PCDHGB1: variants seen among roughly 807,000 people sequenced by gnomAD.
PCDHGB1 encodes protocadherin gamma-B1.
PCDHGB1 carries 34 observed loss-of-function variants against 56.6 expected under a neutral mutation model. The observed-to-expected ratio is 0.60, with a 90% CI of 0.46 to 0.80. The LOEUF (loss-of-function observed/expected upper bound fraction) is 0.80, where lower values mean the gene tolerates loss of function less well. Ranked by LOEUF, PCDHGB1 falls within the 30% of genes least tolerant of loss-of-function variation. The pLI, the probability that PCDHGB1 is intolerant of heterozygous loss-of-function variation, is 0.00. For missense variants in PCDHGB1, 1,278 were observed against 1,204.6 expected (o/e 1.06, Z -0.90); for synonymous variants, 561 against 505.9 (o/e 1.11, Z -1.46).
At chr5:141,392,691 AC>A in intron 1 of PCDHGB1, 1 of 1,132,688 alleles carries the variant, frequency 8.8e-7, no homozygotes, top group Non-Finnish European at 1.2e-6. Context: ...GCGAAACCCG[AC>A]CCCTGTTTGG....
At chr5:141,462,833 A>G (rs1488609568) in intron 1 of PCDHGB1, among the ~76,000 whole-genome samples, 1 of 152,082 alleles carries the variant, frequency 6.6e-6, no homozygotes, top group Non-Finnish European at 1.5e-5. Flanking sequence ...GACATTGTAA[A>G]TGTTATATTT....
chr5:141,478,097 A>G lies in PCDHGB1; in HGVS notation c.2410-16710A>G, dbSNP rs757796085. Reference sequence around the variant, plus strand: ...GGAGCCTTCGCTCTCCACCACTGCTACCCTCACTGTGTCAGTAACCGAGGA... The same window carrying G: ...GGAGCCTTCGCTCTCCACCACTGCTGCCCTCACTGTGTCAGTAACCGAGGA... On this transcript the variant is annotated intron_variant, in intron 1 of 3. Transcript: ENST00000523390. 9.9e-6 allele frequency: 16 copies of G among 1,613,666 alleles called. No homozygotes were observed. Among genetic ancestry groups the G allele is most frequent in the Admixed American group, 1.7e-5 (1 of 59,970 alleles).
chr5:141,422,447 C>G, intron 1 of PCDHGB1: 2 of 1,610,922 alleles, frequency 1.2e-6, no homozygotes, highest in Non-Finnish European at 1.7e-6. Flanking sequence ...AAATTGATAA[C>G]AAGCAGAGTG....
chr5:141,453,032 G>A (rs2098754281), intron 1 of PCDHGB1, among the ~76,000 whole-genome samples: 1 of 152,132 alleles, frequency 6.6e-6, no homozygotes, highest in Admixed American at 6.5e-5. Flanking sequence ...TTAAAATAAA[G>A]TTTGTTTCTA....
At position 141,486,254 on chromosome 5, in the gene PCDHGB1, G is replaced by A. The variant is rs2099626723; in HGVS notation, c.2410-8553G>A. ...GACCTCAGAGCTTGGAACCCTCCCCGAGAGTGCAGAACCTGGCACTGTGGT... is the reference window on the plus strand; with the variant it reads ...GACCTCAGAGCTTGGAACCCTCCCCAAGAGTGCAGAACCTGGCACTGTGGT... On this transcript the variant is annotated intron_variant, in intron 1 of 3. Transcript: ENST00000523390. This position sits in a 1 kb window ranked among gnomAD's most constrained non-coding sequence, Gnocchi z 5.0. The A allele has an allele frequency of 1.2e-6, 2 of 1,613,992 alleles. No individual in the cohort carries two copies. Among genetic ancestry groups the A allele is most frequent in the Non-Finnish European group, 1.7e-6 (2 of 1,179,982 alleles).
intron 1 of PCDHGB1, chr5:141,409,177 T>C: frequency 3.1e-6 from 5 of 1,613,944 alleles, no homozygotes; most frequent in Non-Finnish European, 4.2e-6. Context: ...AGGACGGAGG[T>C]GGTCTCTCTA....
chr5:141,418,247 G>T, intron 1 of PCDHGB1: 1 of 1,614,032 alleles, frequency 6.2e-7, no homozygotes, highest in Non-Finnish European at 8.5e-7. Context: ...TAATGACCAC[G>T]CCCCTCAATT....
At position 141,490,118 on chromosome 5, in the gene PCDHGB1, T is replaced by G. The variant is rs1448768968; in HGVS notation, c.2410-4689T>G. The G allele has an allele frequency of 6.2e-7, 1 of 1,614,158 alleles. No individual in the cohort carries two copies. Among genetic ancestry groups the G allele is most frequent in the Non-Finnish European group, 8.5e-7 (1 of 1,180,048 alleles). On this transcript the variant is annotated intron_variant, in intron 1 of 3. Transcript: ENST00000523390. This position sits in a 1 kb window ranked among gnomAD's most constrained non-coding sequence, Gnocchi z 5.4. ...ACATCTGAGGCAGTGCGGAACCTCT[T>G]TGGCCTAGACCCTAGCAGTGGGGCA...
intron 2 of PCDHGB1, among the ~76,000 whole-genome samples, chr5:141,498,882 G>A (rs1287566657): frequency 6.8e-6 from 1 of 147,420 alleles, no homozygotes; most frequent in African/African-American, 2.5e-5. Context: ...GCAGTGAGCT[G>A]AGATCACACC....
intron 1 of PCDHGB1, chr5:141,362,520 C>T (rs201116803): frequency 1.3e-4 from 210 of 1,613,870 alleles, no homozygotes; most frequent in Non-Finnish European, 1.7e-4. Context: ...ATCATGGAGC[C>T]GCTGGGGTCC....
chr5:141,356,329 G>A (rs1371639512), intron 1 of PCDHGB1: 4 of 1,554,226 alleles, frequency 2.6e-6, no homozygotes, highest in Admixed American at 2.0e-5. Flanking sequence ...CAGTGACTCA[G>A]GAGGAAATGG....
intron 1 of PCDHGB1, chr5:141,383,080 G>C: frequency 1.9e-6 from 3 of 1,613,930 alleles, no homozygotes; most frequent in Non-Finnish European, 2.5e-6. Context: ...GGAGCTGGCG[G>C]AGCGCGGAGT....
intron 1 of PCDHGB1, chr5:141,468,346 AAAAG>A (rs2099164910): frequency 6.8e-6 from 1 of 147,210 alleles, no homozygotes; most frequent in South Asian, 2.2e-4. Flanking sequence ...AAAAAAAAAA[AAAAG>A]AAAGAAAAAA....
chr5:141,353,389 T>C (rs1759266396), intron 1 of PCDHGB1, among the ~76,000 whole-genome samples: 1 of 152,234 alleles, frequency 6.6e-6, no homozygotes, highest in East Asian at 1.9e-4. Flanking sequence ...AATGTAATTA[T>C]GTAATTAATG....
At chr5:141,382,840 A>C in intron 1 of PCDHGB1, 1 of 1,450,368 alleles carries the variant, frequency 6.9e-7, no homozygotes, top group Admixed American at 2.3e-5. Flanking sequence ...CCACCCGGAT[A>C]CACCCGCATT....
chr5:141,356,110 T>A (rs1251778945), intron 1 of PCDHGB1: 1 of 1,613,716 alleles, frequency 6.2e-7, no homozygotes, highest in East Asian at 2.2e-5. Context: ...TATAACAATA[T>A]TGGGGGGTCT....
intron 1 of PCDHGB1, among the ~76,000 whole-genome samples, chr5:141,459,724 T>C (rs1440632046): frequency 6.6e-6 from 1 of 152,250 alleles, no homozygotes; most frequent in Non-Finnish European, 1.5e-5. Context: ...TGCTTCCTAT[T>C]GTCAATTTTT....
At chr5:141,460,882 C>G (rs2098999926) in intron 1 of PCDHGB1, among the ~76,000 whole-genome samples, 1 of 149,600 alleles carries the variant, frequency 6.7e-6, no homozygotes, top group Non-Finnish European at 1.5e-5. Context: ...TTATTTCATG[C>G]CTTTTCGTGG....
chr5:141,509,787 TCTC>T (rs2099878266), intron 3 of PCDHGB1, among the ~76,000 whole-genome samples: 1 of 152,132 alleles, frequency 6.6e-6, no homozygotes, highest in Non-Finnish European at 1.5e-5. Context: ...GAGATCATCA[TCTC>T]CTCAGCTTCA....
Sources: allele counts gnomAD v4.1 joint callset (sites outside exome capture counted in the v4.1 genomes callset), GRCh38; gene constraint gnomAD v4.1.1; non-coding constraint Gnocchi (gnomAD v3.1); transcripts MANE v1.5; gene names NCBI Gene and HGNC (gene_info 2026-07-23, HGNC 2026-07-21).